DTNBP1: variants seen among roughly 807,000 people sequenced by gnomAD.
DTNBP1 encodes dysbindin.
In DTNBP1, 35 loss-of-function variants were observed where a neutral mutation model predicts 42.8. That is an observed-to-expected ratio of 0.82 (90% CI 0.63 to 1.09). The LOEUF (loss-of-function observed/expected upper bound fraction) is 1.09. Among genes scored for constraint, DTNBP1 ranks in the 50% least tolerant of loss-of-function variants. The probability of loss-of-function intolerance (pLI) is 0.00; values close to 1 mark genes in which losing one functional copy is unlikely to be tolerated. For synonymous variants in DTNBP1, 171 were observed against 162.2 expected (o/e 1.05, Z -0.41); for missense variants, 457 against 424.2 (o/e 1.08, Z -0.68).
At chr6:15,552,605 T>C (rs549061060) in intron 7 of DTNBP1, among the ~76,000 whole-genome samples, 109 of 152,284 alleles carry the variant, frequency 7.2e-4, no homozygotes, top group African/African-American at 2.5e-3. Flanking sequence ...CTGGCCAACA[T>C]AGTGAGACCT....
At chr6:15,643,166 T>C (rs919960726) in intron 3 of DTNBP1, among the ~76,000 whole-genome samples, 1 of 152,190 alleles carries the variant, frequency 6.6e-6, no homozygotes, top group Non-Finnish European at 1.5e-5. Flanking sequence ...TTTTAAAATA[T>C]AGTTAATAGG....
chr6:15,619,050 G>T (rs947300265), intron 5 of DTNBP1, among the ~76,000 whole-genome samples: 1 of 152,192 alleles, frequency 6.6e-6, no homozygotes, highest in African/African-American at 2.4e-5. Flanking sequence ...GTAGAGGGTA[G>T]AACAGTGTTT....
At chr6:15,610,017 T>A (rs1162110295) in intron 6 of DTNBP1, among the ~76,000 whole-genome samples, 3 of 152,204 alleles carry the variant, frequency 2.0e-5, no homozygotes, top group Non-Finnish European at 2.9e-5. Context: ...AACAGTCTTA[T>A]TGTTTACTAC....
chr6:15,633,715 G>A (rs750587152), intron 4 of DTNBP1, among the ~76,000 whole-genome samples: 2 of 151,884 alleles, frequency 1.3e-5, no homozygotes, highest in Non-Finnish European at 2.9e-5. Context: ...AAACTTCATC[G>A]CTGTCTTATT....
chr6:15,572,884 A>G (rs1019705353), intron 7 of DTNBP1, among the ~76,000 whole-genome samples: 3 of 152,066 alleles, frequency 2.0e-5, no homozygotes, highest in Non-Finnish European at 2.9e-5. Flanking sequence ...GGTATGCACC[A>G]CCACAACCAG....
At position 15,663,019 on chromosome 6, in the gene DTNBP1, C is replaced by CCGCAACCCCAGCCCCTTCCGCGT; in HGVS notation, c.-151_-150insACGCGGAAGGGGCTGGGGTTGCG. 1 of 1,137,672 alleles carries CCGCAACCCCAGCCCCTTCCGCGT rather than the reference C, an allele frequency of 8.8e-7. No individual in the cohort carries two copies. Among genetic ancestry groups the CCGCAACCCCAGCCCCTTCCGCGT allele is most frequent in the Non-Finnish European group, 1.2e-6 (1 of 807,186 alleles). 70.5% of individuals were successfully genotyped at this position (1,137,672 alleles called of 1,614,324 possible). On this transcript the variant is annotated 5_prime_UTR_variant, in exon 1 of 10. Coordinates refer to ENST00000344537, the MANE Select transcript of DTNBP1 (RefSeq NM_032122.5). The stretch of plus-strand genomic sequence containing the variant: ...CCCCGGTCTGGTCCTCGCCGCCGCG[C>CCGCAACCCCAGCCCCTTCCGCGT]CGCAACCCCAGCCCCTTCCGCGTTC...
intron 7 of DTNBP1, among the ~76,000 whole-genome samples, chr6:15,591,156 C>G (rs1306644454): frequency 1.3e-5 from 2 of 150,288 alleles, no homozygotes; most frequent in Non-Finnish European, 1.5e-5. Flanking sequence ...GTGGCACAGG[C>G]TGGAGTGCAG....
At chr6:15,638,599 G>C (rs1486392115) in intron 3 of DTNBP1, among the ~76,000 whole-genome samples, 1 of 152,144 alleles carries the variant, frequency 6.6e-6, no homozygotes, top group African/African-American at 2.4e-5. Flanking sequence ...TTAACTAAAA[G>C]TGAGAAAACA....
intron 4 of DTNBP1, among the ~76,000 whole-genome samples, chr6:15,631,730 A>C (rs1306295135): frequency 2.0e-5 from 3 of 152,134 alleles, no homozygotes; most frequent in African/African-American, 7.2e-5. Flanking sequence ...GGGTAATGAG[A>C]TCCCCCTCCC....
chr6:15,589,772 C>T (rs751915542), intron 7 of DTNBP1, among the ~76,000 whole-genome samples: 2 of 152,188 alleles, frequency 1.3e-5, no homozygotes, highest in Non-Finnish European at 2.9e-5. Flanking sequence ...CTGGATACCA[C>T]TTCTTTCCAT....
At chr6:15,570,681 A>T (rs1056212741) in intron 7 of DTNBP1, among the ~76,000 whole-genome samples, 1 of 152,220 alleles carries the variant, frequency 6.6e-6, no homozygotes, top group African/African-American at 2.4e-5. Flanking sequence ...TTTTCCGATA[A>T]TTTTTGTTTA....
chr6:15,623,615 A>G (rs982499735), intron 5 of DTNBP1, among the ~76,000 whole-genome samples: 3 of 152,234 alleles, frequency 2.0e-5, no homozygotes, highest in African/African-American at 7.2e-5. Context: ...GATGAAGGGA[A>G]CAGTCTTTTA....
chr6:15,606,418 G>A (rs1758056657), intron 6 of DTNBP1, among the ~76,000 whole-genome samples: 1 of 152,188 alleles, frequency 6.6e-6, no homozygotes, highest in African/African-American at 2.4e-5. Flanking sequence ...TTGGGTTGGT[G>A]TGGTGGTGTG....
chr6:15,613,851 T>A (rs1314933569), intron 6 of DTNBP1, among the ~76,000 whole-genome samples: 1 of 152,102 alleles, frequency 6.6e-6, no homozygotes, highest in East Asian at 1.9e-4. Flanking sequence ...CAATCTCCCA[T>A]CCCTGCCTGG....
At chr6:15,575,532 G>C (rs1273333899) in intron 7 of DTNBP1, among the ~76,000 whole-genome samples, 5 of 152,220 alleles carry the variant, frequency 3.3e-5, no homozygotes, top group Non-Finnish European at 7.3e-5. Context: ...AAAAGTTGCA[G>C]GGAAAATGTC....
chr6:15,632,457 A>G (rs949024089), intron 4 of DTNBP1, among the ~76,000 whole-genome samples: 3 of 152,236 alleles, frequency 2.0e-5, no homozygotes, highest in African/African-American at 4.8e-5. Context: ...TCTACCCAGT[A>G]TAAGAAACAT....
At chr6:15,569,353 A>ACCCCCCCCCCCCC (rs11332178) in intron 7 of DTNBP1, among the ~76,000 whole-genome samples, 28 of 127,156 alleles carry the variant, frequency 2.2e-4, no homozygotes, top group Non-Finnish European at 2.6e-4. Flanking sequence ...GCCAGTTAAG[A>ACCCCCCCCCCCCC]CCCCCCCCCG....
Position 15,523,073 on chromosome 6 carries a change from G to T in DTNBP1, c.958C>A (p.Gln320Lys), listed in dbSNP as rs78975928. ...ISEGGESPVV[Q>K]SDEEEVQVDT... ...ACCTGAACTTCCTCCTCATCGGACT[G>T]AACAACGGGGGACTCCCCACCCTCA... Residue 320 changes from glutamine to lysine, a missense_variant, in exon 10 of 10, where the codon CAG becomes AAG. Gln to Lys is a moderately conservative substitution (Grantham distance 53). Coordinates refer to ENST00000344537, the MANE Select transcript of DTNBP1 (RefSeq NM_032122.5). 9.9e-6 allele frequency: 16 copies of T among 1,614,226 alleles called. No homozygotes were observed. Among genetic ancestry groups the T allele is most frequent in the Non-Finnish European group, 1.4e-5 (16 of 1,180,038 alleles).
rs1292174945 is a variant in DTNBP1, at chr6:15,613,320, A to G, written c.488+1947T>C. On this transcript the variant is annotated intron_variant, in intron 6 of 9. Transcript: ENST00000344537. ...CTCCATCTCAAAAAAAAAAAAAAAA[A>G]AAAAAAAAAAAATGCCCCTTTTTTG... Among the ~76,000 whole-genome samples, 3 of 145,322 alleles carry G rather than the reference A, an allele frequency of 2.1e-5. 1 individual carries two copies. Among genetic ancestry groups the G allele is most frequent in the Non-Finnish European group, 4.5e-5 (3 of 66,228 alleles).
Sources: allele counts gnomAD v4.1 joint callset (sites outside exome capture counted in the v4.1 genomes callset), GRCh38; gene constraint gnomAD v4.1.1; transcripts MANE v1.5; gene names NCBI Gene and HGNC (gene_info 2026-07-23, HGNC 2026-07-21).